Variants in NKD1 observed in about 807,000 individuals in gnomAD.
The protein encoded by NKD1 is protein naked cuticle homolog 1.
NKD1 carries 21 observed loss-of-function variants against 56.0 expected under a neutral mutation model. That is an observed-to-expected ratio of 0.38 (90% CI 0.27 to 0.54). The LOEUF is 0.54. Among genes scored for constraint, NKD1 ranks in the 20% least tolerant of loss-of-function variants. The probability of loss-of-function intolerance (pLI) is 0.82; values close to 1 mark genes in which losing one functional copy is unlikely to be tolerated. For missense variants in NKD1, 578 were observed against 642.7 expected, an observed-to-expected ratio of 0.90 and a Z score of 1.09; for synonymous variants, 263 against 265.7, an observed-to-expected ratio of 0.99 and a Z score of 0.10.
chr16:50,585,576 C>T (rs369781035), intron 3 of NKD1, among the ~76,000 whole-genome samples: 1 of 152,206 alleles, frequency 6.6e-6, no homozygotes, highest in South Asian at 2.1e-4. Context: ...AGCTGGCTCT[C>T]CAGAGGCCTT....
At chr16:50,619,515 G>A (rs138846482) in intron 4 of NKD1, among the ~76,000 whole-genome samples, 172 of 152,306 alleles carry the variant, frequency 1.1e-3, no homozygotes, top group African/African-American at 4.1e-3. Context: ...CGCACAGGCT[G>A]TATGTATTTA....
chr16:50,552,008 A>G (rs933942953), intron 3 of NKD1: 2 of 152,150 alleles, frequency 1.3e-5, no homozygotes, highest in African/African-American at 4.8e-5. Flanking sequence ...CCATGATATC[A>G]TCAGGATGTA....
chr16:50,562,769 A>C (rs149486983), intron 3 of NKD1, among the ~76,000 whole-genome samples: 128 of 152,080 alleles, frequency 8.4e-4, no homozygotes, highest in African/African-American at 2.8e-3. Flanking sequence ...AGGGGGGAGG[A>C]GGGCACTCCC....
chr16:50,612,328 A>G (rs1343969804), intron 4 of NKD1, among the ~76,000 whole-genome samples: 1 of 152,182 alleles, frequency 6.6e-6, no homozygotes, highest in Admixed American at 6.5e-5. Flanking sequence ...TAGTTGGAAA[A>G]CTGAAGCCCA....
rs145466266 is a variant in NKD1 at position 50,573,041 on chromosome 16, C to T, written c.192+23486C>T. On this transcript the variant is annotated intron_variant, in intron 3 of 9. Transcript: ENST00000268459. ...GGCCTCAGTCTCCCCATCTGTAAAG[C>T]GAAACTAGTAGTTGAATCTTCCTCC... 21 of 171,810 alleles carry T rather than the reference C, an allele frequency of 1.2e-4. No individual in the cohort carries two copies. In the East Asian group the frequency reaches 1.5e-3, roughly 12 times the overall value. The allele number at this position is 171,810 out of a possible 1,614,324, so 10.6% of individuals were successfully genotyped here.
In NKD1 at chr16:50,598,262, T is replaced by TGTGTGTGTGTGTGTGCGCGCGC. The variant is rs138964473; in HGVS notation, c.193-10031_193-10030insTGTGTGTGTGTGTGCGCGCGCG. ...GTGTGTGTGTGTGTGTGTGTGTGTG[T>TGTGTGTGTGTGTGTGCGCGCGC]GCGCGCACACCTGTGCTCATGGACA... is the stretch of plus-strand genomic sequence containing the variant. On this transcript the variant is annotated intron_variant, in intron 3 of 9. Transcript: ENST00000268459. The surrounding 1 kb of genome is among the most constrained non-coding windows in gnomAD (Gnocchi z 4.2). Among the ~76,000 whole-genome samples, 5 of 148,572 alleles carry TGTGTGTGTGTGTGTGCGCGCGC rather than the reference T, an allele frequency of 3.4e-5. No homozygotes were observed. The highest frequency in any genetic ancestry group is 1.0e-4 in the African/African-American group (4 of 39,058).
chr16:50,572,630 A>C (rs1960909195), intron 3 of NKD1, among the ~76,000 whole-genome samples: 1 of 152,162 alleles, frequency 6.6e-6, no homozygotes, highest in African/African-American at 2.4e-5. Context: ...GAAGGGGTTC[A>C]GGGGATCTGC....
chr16:50,609,466 G>A (rs1961792832), intron 4 of NKD1, among the ~76,000 whole-genome samples: 1 of 152,244 alleles, frequency 6.6e-6, no homozygotes, highest in Admixed American at 6.5e-5. Flanking sequence ...TGGCTGGAGA[G>A]CTGGGGGGCC....
chr16:50,584,005 G>A (rs1961174323), intron 3 of NKD1, among the ~76,000 whole-genome samples: 1 of 152,218 alleles, frequency 6.6e-6, no homozygotes, highest in Non-Finnish European at 1.5e-5. Flanking sequence ...AGGCAGTGCA[G>A]TTGGCATATC....
Position 50,598,229 on chromosome 16 carries a change from C to CTGTGTGTGTGTGTGTGTGTGTGTGTGTG in NKD1, c.193-10058_193-10031dup, listed in dbSNP as rs5816707. On this transcript the variant is annotated intron_variant, in intron 3 of 9. Transcript: ENST00000268459. The surrounding 1 kb of genome is among the most constrained non-coding windows in gnomAD (Gnocchi z 4.2). The stretch of plus-strand genomic sequence containing the variant: ...CACTGCAGGGCCGCATGGGTGGACT[C>CTGTGTGTGTGTGTGTGTGTGTGTGTGTG]TGTGTGTGTGTGTGTGTGTGTGTGT... Among the ~76,000 whole-genome samples, 1 of 143,864 alleles carries CTGTGTGTGTGTGTGTGTGTGTGTGTGTG rather than the reference C, an allele frequency of 7.0e-6. No individual in the cohort carries two copies. The highest frequency in any genetic ancestry group is 2.6e-5 in the African/African-American group (1 of 37,854). 94.4% of individuals were successfully genotyped at this position (143,864 alleles called of 152,430 possible).
intron 3 of NKD1, among the ~76,000 whole-genome samples, chr16:50,603,391 G>A (rs903214414): frequency 6.6e-6 from 1 of 152,188 alleles, no homozygotes; most frequent in African/African-American, 2.4e-5. Flanking sequence ...CAGTGTGCTG[G>A]GAAGAGAGAA....
chr16:50,579,153 A>G lies in NKD1; in HGVS notation c.193-29141A>G, dbSNP rs546545470. ...CCTGCGGGCTACCCGCAACACACGCACTCTAACCAGCCACACATGCACTGT... is the reference window on the plus strand; with the variant it reads ...CCTGCGGGCTACCCGCAACACACGCGCTCTAACCAGCCACACATGCACTGT... On this transcript the variant is annotated intron_variant, in intron 3 of 9. Transcript: ENST00000268459. 1.3e-4 allele frequency among the ~76,000 whole-genome samples: 19 copies of G among 150,230 alleles called. No individual in the cohort carries two copies. In the South Asian group the frequency reaches 3.6e-3, roughly 28 times the overall value.
At chr16:50,583,864 A>G (rs1052924322) in intron 3 of NKD1, among the ~76,000 whole-genome samples, 1 of 152,160 alleles carries the variant, frequency 6.6e-6, no homozygotes, top group African/African-American at 2.4e-5. Flanking sequence ...AGAATTCTAA[A>G]ATTTGAATCC....
intron 3 of NKD1, among the ~76,000 whole-genome samples, chr16:50,596,143 G>A (rs1258657041): frequency 6.6e-6 from 1 of 152,214 alleles, no homozygotes; most frequent in Non-Finnish European, 1.5e-5. Context: ...GGGTGTGGCT[G>A]TGGCCTCTTT....
intron 4 of NKD1, among the ~76,000 whole-genome samples, chr16:50,610,492 A>G (rs1208847199): frequency 6.6e-6 from 1 of 152,160 alleles, no homozygotes; most frequent in Non-Finnish European, 1.5e-5. Context: ...AGCAGGTGCT[A>G]CTGAGTTCTG....
At chr16:50,609,971 CCATAG>C (rs1215142719) in intron 4 of NKD1, among the ~76,000 whole-genome samples, 1 of 152,082 alleles carries the variant, frequency 6.6e-6, no homozygotes, top group Non-Finnish European at 1.5e-5. Flanking sequence ...CAGATGATAA[CCATAG>C]CTCTTTCCAA....
At chr16:50,576,726 A>G (rs998952076) in intron 3 of NKD1, among the ~76,000 whole-genome samples, 3 of 147,902 alleles carry the variant, frequency 2.0e-5, no homozygotes, top group African/African-American at 7.6e-5. Context: ...TTTACAAGTC[A>G]ATCATATCTC....
intron 4 of NKD1, among the ~76,000 whole-genome samples, chr16:50,609,213 G>A (rs1961787009): frequency 6.6e-6 from 1 of 152,238 alleles, no homozygotes; most frequent in Non-Finnish European, 1.5e-5. Flanking sequence ...CTGGTGTGCT[G>A]GTTTGACTTT....
chr16:50,591,113 G>A (rs1961356751), intron 3 of NKD1, among the ~76,000 whole-genome samples: 1 of 152,196 alleles, frequency 6.6e-6, no homozygotes. Context: ...GTGAGTCACT[G>A]TGCCCGGCCA....
Sources: allele counts gnomAD v4.1 joint callset (sites outside exome capture counted in the v4.1 genomes callset), GRCh38; gene constraint gnomAD v4.1.1; non-coding constraint Gnocchi (gnomAD v3.1); transcripts MANE v1.5; gene names NCBI Gene and HGNC (gene_info 2026-07-23, HGNC 2026-07-21).